The following CCNF variants were observed in gnomAD, a reference collection of about 807,000 sequenced individuals.
CCNF encodes the protein cyclin-F.
A neutral mutation model predicts 85.4 loss-of-function variants in CCNF; 30 were observed. The ratio of observed to expected loss-of-function variants is 0.35; its 90% CI spans 0.26 to 0.48. The LOEUF (loss-of-function observed/expected upper bound fraction) is 0.48, where lower values mean the gene tolerates loss of function less well. Among genes scored for constraint, CCNF ranks in the 20% least tolerant of loss-of-function variants. The pLI is 0.99. For synonymous variants in CCNF, 439 were observed against 425.1 expected (o/e 1.03, Z -0.40); for missense variants, 919 against 1,010.4 (o/e 0.91, Z 1.23).
chr16:2,433,741 A>G (rs1413610561), intron 3 of CCNF, among the ~76,000 whole-genome samples: 1 of 152,074 alleles, frequency 6.6e-6, no homozygotes, highest in East Asian at 1.9e-4. Context: ...ACGCGCTACC[A>G]CGCCCATCTA....
At chr16:2,430,428 G>C (rs58471778) in intron 1 of CCNF, among the ~76,000 whole-genome samples, 41,260 of 151,996 alleles carry the variant, frequency 0.27, 7,140 homozygotes, top group East Asian at 0.57. Flanking sequence ...AAGCATGTCC[G>C]GGCTGCCTGC....
Position 2,456,779 on chromosome 16 carries a change from C to T in CCNF, c.2120C>T (p.Thr707Ile), listed in dbSNP as rs2065430588. 3.1e-6 allele frequency: 5 copies of T among 1,613,610 alleles called. No homozygotes were observed. The highest frequency in any genetic ancestry group is 4.2e-6 in the Non-Finnish European group (5 of 1,179,820). Residue 707 changes from threonine to isoleucine, a missense_variant, in exon 17 of 17, where the codon ACC becomes ATC. Thr to Ile is a moderately conservative substitution (Grantham distance 89). Transcript: ENST00000397066. The surrounding 1 kb of genome is among the most constrained non-coding windows in gnomAD (Gnocchi z 4.5). ...VTTSGYSSVS[T>I]ASPTSSVDGG... ...ACCTCAGGGTACTCCTCCGTCAGCACCGCAAGTCCCACAAGCTCCGTGGAC... is the reference window on the plus strand; with the variant it reads ...ACCTCAGGGTACTCCTCCGTCAGCATCGCAAGTCCCACAAGCTCCGTGGAC...
In CCNF at chr16:2,453,601, C is replaced by T. The variant is rs1158229950; in HGVS notation, c.1715+64C>T. On this transcript the variant is annotated intron_variant, in intron 15 of 16. Transcript: ENST00000397066. This position sits in a 1 kb window ranked among gnomAD's most constrained non-coding sequence, Gnocchi z 5.6. ...GGCATCCTCGTGCCGGCCCAGTTCC[C>T]TCAGCGCTTCCTCACACAGAGAGGC... The T allele has an allele frequency of 9.4e-6, 15 of 1,600,056 alleles. No homozygotes were observed. The highest frequency in any genetic ancestry group is 1.3e-5 in the Non-Finnish European group (15 of 1,172,104).
chr16:2,449,439 T>C lies in CCNF; in HGVS notation c.1376T>C (p.Leu459Pro). Reference protein sequence around the residue: ...PARLAAAALLLARLTHGQTQP... With the variant: ...PARLAAAALLPARLTHGQTQP... Reference sequence around the variant, plus strand: ...CGCCTGGCTGCCGCAGCCCTGCTCCTGGCCAGACTGACGCACGGGCAGAGT... The same window carrying C: ...CGCCTGGCTGCCGCAGCCCTGCTCCCGGCCAGACTGACGCACGGGCAGAGT... The change falls in exon 12 of 17, where the codon CTG (leucine) becomes CCG (proline). Residue 459 changes from leucine (L) to proline (P), a missense_variant. Coordinates refer to ENST00000397066, the MANE Select transcript of CCNF (RefSeq NM_001761.3). 1 of 1,607,268 alleles carries C rather than the reference T, an allele frequency of 6.2e-7. No homozygotes were observed.
chr16:2,453,070 T>G lies in CCNF; in HGVS notation c.1488-140T>G. On this transcript the variant is annotated intron_variant, in intron 13 of 16. Coordinates refer to ENST00000397066, the MANE Select transcript of CCNF (RefSeq NM_001761.3). The surrounding 1 kb of genome is among the most constrained non-coding windows in gnomAD (Gnocchi z 5.6). Reference sequence around the variant, plus strand: ...ATTGCTAGGTCCTGTGGTGACTGAGTTTAACCATTCGGGGAACTGCCAGGT... The same window carrying G: ...ATTGCTAGGTCCTGTGGTGACTGAGGTTAACCATTCGGGGAACTGCCAGGT... The G allele has an allele frequency of 1.4e-6, 1 of 717,972 alleles. No homozygotes were observed. The highest frequency in any genetic ancestry group is 2.5e-6 in the Non-Finnish European group (1 of 405,428). 44.5% of individuals were successfully genotyped at this position (717,972 alleles called of 1,614,324 possible).
Position 2,445,399 on chromosome 16 carries a change from G to A in CCNF, c.930-59G>A, listed in dbSNP as rs754757995. ...GGGCCCAACAGGTGGGGTTGAAATC[G>A]CAGACAGGGACACATGGAGAACGCC... On this transcript the variant is annotated intron_variant, in intron 9 of 16. Transcript: ENST00000397066. 5.6e-5 allele frequency: 88 copies of A among 1,581,932 alleles called. No individual in the cohort carries two copies. In the South Asian group the frequency reaches 8.5e-4, roughly 15 times the overall value.
chr16:2,443,602 G>C, intron 8 of CCNF, 47 bp from the exon 9 acceptor site: 1 of 1,592,756 alleles, frequency 6.3e-7, no homozygotes, highest in Non-Finnish European at 8.6e-7. Context: ...ATGGAAAACT[G>C]CAACATGGCT....
chr16:2,449,791 T>G, intron 12 of CCNF, 37 bp from the exon 13 acceptor site: 1 of 367,594 alleles, frequency 2.7e-6, no homozygotes, highest in Non-Finnish European at 4.9e-6. Flanking sequence ...CTCCGTCCCC[T>G]CCATCCCCTC....
In CCNF at chr16:2,435,232, C is replaced by G. The variant is rs1468837617; in HGVS notation, c.279-574C>G. Among the ~76,000 whole-genome samples the G allele has an allele frequency of 6.6e-5, 8 of 120,730 alleles. No individual in the cohort carries two copies. In the East Asian group the frequency reaches 1.9e-3, roughly 29 times the overall value. 79.2% of individuals were successfully genotyped at this position (120,730 alleles called of 152,430 possible). ...CGCCACTGCACTCCAGCCTGGGCAA[C>G]AGAGCAGACTCCGTCTCAAAAAAAA... On this transcript the variant is annotated intron_variant, in intron 3 of 16. Coordinates refer to ENST00000397066, the MANE Select transcript of CCNF (RefSeq NM_001761.3).
intron 8 of CCNF, among the ~76,000 whole-genome samples, 185 bp downstream of exon 8, chr16:2,440,011 G>A (rs978384475): frequency 1.3e-5 from 2 of 152,198 alleles, no homozygotes; most frequent in African/African-American, 4.8e-5. Context: ...GGTACACTGT[G>A]AGAAGAGCTG....
At chr16:2,430,562 A>G (rs111549830) in intron 1 of CCNF, among the ~76,000 whole-genome samples, 81 of 152,234 alleles carry the variant, frequency 5.3e-4, no homozygotes, top group African/African-American at 1.7e-3. Context: ...GCATTCTACA[A>G]TAGAGGGCAC....
chr16:2,434,901 T>C (rs1251409112), intron 3 of CCNF, among the ~76,000 whole-genome samples: 4 of 152,228 alleles, frequency 2.6e-5, no homozygotes, highest in African/African-American at 9.6e-5. Flanking sequence ...ACCCTGATGT[T>C]TTCAAGGTTC....
chr16:2,441,709 G>A (rs970710353), intron 8 of CCNF, among the ~76,000 whole-genome samples: 7 of 151,376 alleles, frequency 4.6e-5, no homozygotes, highest in Non-Finnish European at 1.0e-4. Context: ...TAGAGGTGGG[G>A]TTTCACCATG....
chr16:2,446,034 C>G (rs1179170619), intron 10 of CCNF, among the ~76,000 whole-genome samples: 1 of 152,214 alleles, frequency 6.6e-6, no homozygotes, highest in African/African-American at 2.4e-5. Context: ...CTGGCCCTCA[C>G]TGGTTCTTGA....
chr16:2,435,637 GCACACACATATA>G (rs2065285449), intron 3 of CCNF, among the ~76,000 whole-genome samples, 157 bp from the exon 4 acceptor site: 3 of 6,228 alleles, frequency 4.8e-4, no homozygotes, highest in Non-Finnish European at 2.4e-4. Flanking sequence ...ACATATATAT[GCACACACATATA>G]TATATGCACA....
At chr16:2,448,533 A>G (rs2065374351) in intron 10 of CCNF, among the ~76,000 whole-genome samples, 1 of 152,152 alleles carries the variant, frequency 6.6e-6, no homozygotes, top group African/African-American at 2.4e-5. Context: ...TAGCGTCCCA[A>G]GTAACTGAGA....
At chr16:2,444,469 T>G (rs907419060) in intron 9 of CCNF, among the ~76,000 whole-genome samples, 1 of 148,910 alleles carries the variant, frequency 6.7e-6, no homozygotes, top group East Asian at 2.0e-4. Flanking sequence ...CCAGCTAATT[T>G]TTTTGTATTT....
chr16:2,450,336 TAAAAAAA>T (rs869044588), intron 13 of CCNF, among the ~76,000 whole-genome samples: 2 of 65,940 alleles, frequency 3.0e-5, no homozygotes, highest in Admixed American at 2.1e-4. Context: ...CTGTCTCTAC[TAAAAAAA>T]AAAAAAAAAA....
At chr16:2,441,654 C>T (rs1037932540) in intron 8 of CCNF, among the ~76,000 whole-genome samples, 1 of 151,726 alleles carries the variant, frequency 6.6e-6, no homozygotes, top group Non-Finnish European at 1.5e-5. Flanking sequence ...GTAGCTGGGA[C>T]TATAGGTGCC....
Sources: allele counts gnomAD v4.1 joint callset (sites outside exome capture counted in the v4.1 genomes callset), GRCh38; gene constraint gnomAD v4.1.1; non-coding constraint Gnocchi (gnomAD v3.1); transcripts MANE v1.5; gene names NCBI Gene and HGNC (gene_info 2026-07-23, HGNC 2026-07-21).